Variants in HPSE2 observed in about 807,000 individuals in gnomAD.
HPSE2 encodes the protein heparanase 2 (inactive), also known as inactive heparanase-2.
HPSE2 carries 38 observed loss-of-function variants against 60.5 expected under a neutral mutation model. That is an observed-to-expected ratio of 0.63 (90% CI 0.48 to 0.82). HPSE2 has a LOEUF of 0.82. Ranked by LOEUF, HPSE2 falls within the 40% of genes least tolerant of loss-of-function variation. HPSE2 has a pLI of 0.00. For missense variants in HPSE2, 713 were observed against 740.4 expected, an observed-to-expected ratio of 0.96 and a Z score of 0.43; for synonymous variants, 295 against 293.2, an observed-to-expected ratio of 1.01 and a Z score of -0.06.
At chr10:99,147,679 T>C (rs1846105504) in intron 2 of HPSE2, among the ~76,000 whole-genome samples, 1 of 152,118 alleles carries the variant, frequency 6.6e-6, no homozygotes, top group African/African-American at 2.4e-5. Context: ...TCAAAAATGT[T>C]TAGGGAAAAA....
At chr10:98,871,479 T>C (rs1181520249) in intron 3 of HPSE2, among the ~76,000 whole-genome samples, 3 of 152,034 alleles carry the variant, frequency 2.0e-5, no homozygotes, top group Non-Finnish European at 4.4e-5. Context: ...TTATTAGGCA[T>C]GTTAGGAATA....
At chr10:98,739,618 T>C (rs1237783423) in intron 4 of HPSE2, among the ~76,000 whole-genome samples, 1 of 152,168 alleles carries the variant, frequency 6.6e-6, no homozygotes, top group Non-Finnish European at 1.5e-5. Flanking sequence ...GTCAGAAACT[T>C]GATTTTACAA....
chr10:99,202,209 C>T (rs1218254532), intron 2 of HPSE2, among the ~76,000 whole-genome samples: 1 of 152,108 alleles, frequency 6.6e-6, no homozygotes, highest in Non-Finnish European at 1.5e-5. Flanking sequence ...ATGATATACT[C>T]AAGAGCAGAG....
chr10:98,990,628 T>C (rs1286296423), intron 3 of HPSE2, among the ~76,000 whole-genome samples: 2 of 152,208 alleles, frequency 1.3e-5, no homozygotes, highest in Non-Finnish European at 2.9e-5. Context: ...GCACTTATAA[T>C]ACCATGATAG....
At chr10:98,861,147 A>G (rs1372698724) in intron 3 of HPSE2, among the ~76,000 whole-genome samples, 1 of 152,220 alleles carries the variant, frequency 6.6e-6, no homozygotes, top group Non-Finnish European at 1.5e-5. Flanking sequence ...TTGCTATTCA[A>G]AGTGAGTCAT....
intron 9 of HPSE2, among the ~76,000 whole-genome samples, chr10:98,583,019 C>A (rs1197446878): frequency 6.6e-6 from 1 of 152,106 alleles, no homozygotes; most frequent in African/African-American, 2.4e-5. Flanking sequence ...CATACCCAAC[C>A]AACGAAGACT....
intron 3 of HPSE2, among the ~76,000 whole-genome samples, chr10:98,842,342 G>C (rs1361729914): frequency 6.6e-6 from 1 of 152,058 alleles, no homozygotes; most frequent in Non-Finnish European, 1.5e-5. Flanking sequence ...CATAATGCAG[G>C]CTCCAAGCTT....
intron 3 of HPSE2, among the ~76,000 whole-genome samples, chr10:99,034,349 G>A (rs1957563326): frequency 2.0e-5 from 3 of 152,120 alleles, no homozygotes; most frequent in Non-Finnish European, 4.4e-5. Context: ...GGGTTGGAGT[G>A]AAGGAAAGAT....
At chr10:98,811,086 C>G (rs559643680) in intron 3 of HPSE2, among the ~76,000 whole-genome samples, 1 of 152,224 alleles carries the variant, frequency 6.6e-6, no homozygotes, top group South Asian at 2.1e-4. Context: ...CTTCTATACT[C>G]CAACTACATT....
intron 9 of HPSE2, among the ~76,000 whole-genome samples, chr10:98,525,015 A>G (rs1448815216): frequency 2.6e-5 from 4 of 152,164 alleles, no homozygotes; most frequent in Non-Finnish European, 5.9e-5. Context: ...TTAATGGCAC[A>G]TTTATTTATT....
intron 3 of HPSE2, among the ~76,000 whole-genome samples, chr10:98,745,710 T>C (rs1949612773): frequency 6.6e-6 from 1 of 152,236 alleles, no homozygotes; most frequent in Admixed American, 6.5e-5. Flanking sequence ...ATGGATAATA[T>C]GACTTCAGGT....
chr10:99,271,365 A>G, the HPSE2 span, among the ~76,000 whole-genome samples: 1 of 152,232 alleles, frequency 6.6e-6, no homozygotes, highest in Non-Finnish European at 1.5e-5. Flanking sequence ...GAATCAAATC[A>G]AGAACTCAAC....
the HPSE2 span, among the ~76,000 whole-genome samples, chr10:99,305,979 G>GCGCGCACA: frequency 4.8e-4 from 39 of 80,584 alleles, no homozygotes; most frequent in Admixed American, 2.6e-3. Context: ...GCGCGCGCGC[G>GCGCGCACA]CACACACACA....
intron 3 of HPSE2, among the ~76,000 whole-genome samples, chr10:98,909,993 TCTATA>T (rs1322613669): frequency 1.3e-5 from 2 of 152,192 alleles, no homozygotes; most frequent in African/African-American, 4.8e-5. Flanking sequence ...TTAATACTCA[TCTATA>T]CTTTATAGTA....
chr10:98,492,245 A>G (rs1284393062), intron 9 of HPSE2, among the ~76,000 whole-genome samples: 2 of 152,170 alleles, frequency 1.3e-5, no homozygotes, highest in South Asian at 2.1e-4. Context: ...GCTCACGCCT[A>G]TAATCCCTGC....
At chr10:98,670,963 G>A (rs1166659615) in intron 6 of HPSE2, among the ~76,000 whole-genome samples, 1 of 152,178 alleles carries the variant, frequency 6.6e-6, no homozygotes, top group African/African-American at 2.4e-5. Flanking sequence ...CTTGGTGTCT[G>A]AGAGGTTTTG....
intron 3 of HPSE2, among the ~76,000 whole-genome samples, chr10:99,012,868 GA>G (rs1396693477): frequency 2.0e-5 from 3 of 152,150 alleles, no homozygotes; most frequent in Admixed American, 2.0e-4. Context: ...TTCATTATGA[GA>G]AAAATGTGAT....
intron 3 of HPSE2, among the ~76,000 whole-genome samples, chr10:99,114,239 A>G (rs927015092): frequency 6.6e-6 from 1 of 152,216 alleles, no homozygotes; most frequent in Non-Finnish European, 1.5e-5. Flanking sequence ...CTTGGACAGC[A>G]CTTAACTAAA....
Position 98,698,766 on chromosome 10 carries a change from A to G in HPSE2, c.957-4819T>C, listed in dbSNP as rs552178292. ...TAGCAAGACTAATAAAGAAGAAAAGAGAGAAGAATCAAATAGATGCAATAA... is the reference window on the plus strand; with the variant it reads ...TAGCAAGACTAATAAAGAAGAAAAGGGAGAAGAATCAAATAGATGCAATAA... On this transcript the variant is annotated intron_variant, in intron 5 of 11. Transcript: ENST00000370552. Among the ~76,000 whole-genome samples, 34 of 152,346 alleles carry G rather than the reference A, an allele frequency of 2.2e-4. No homozygotes were observed. The East Asian group carries it at 2.5e-3, about 11-fold the overall frequency.
Sources: gnomAD v4.1 joint callset for allele counts (sites outside exome capture counted in the v4.1 genomes callset) on GRCh38, gnomAD v4.1.1 for gene constraint, MANE v1.5 for transcripts, NCBI Gene and HGNC (gene_info 2026-07-23, HGNC 2026-07-21) for gene names.